Variants in PAX8 observed in about 807,000 individuals in gnomAD.
PAX8 encodes the protein paired box protein Pax-8.
Under a neutral mutation model 52.4 loss-of-function variants are expected in PAX8, and 15 were observed. The observed-to-expected ratio is 0.29, with a 90% confidence interval of 0.19 to 0.44. PAX8 has a LOEUF of 0.44. Ranked by LOEUF, PAX8 falls within the 20% of genes least tolerant of loss-of-function variation. PAX8 has a pLI of 1.00. For synonymous variants in PAX8, 284 were observed against 249.7 expected (o/e 1.14, Z -1.29); for missense variants, 554 against 602.5 (o/e 0.92, Z 0.84).
At chr2:113,235,713 G>C (rs1465886676) in intron 8 of PAX8, 131 bp from the exon 9 acceptor site, 2 of 683,364 alleles carry the variant, frequency 2.9e-6, no homozygotes, top group Non-Finnish European at 2.4e-6. Flanking sequence ...CTCAGAGTCT[G>C]GGCTGGGGAG....
chr2:113,235,850 C>T (rs1487802902), intron 8 of PAX8: 9 of 492,770 alleles, frequency 1.8e-5, no homozygotes, highest in East Asian at 1.4e-4. Flanking sequence ...GGAGGGAGCG[C>T]GGAGACCCGG....
intron 2 of PAX8, chr2:113,276,170 C>A (rs543902141): frequency 6.6e-6 from 1 of 152,190 alleles, no homozygotes; most frequent in Non-Finnish European, 1.5e-5. Context: ...CAGAGGGGTC[C>A]GCTTATGAGT....
intron 10 of PAX8, among the ~76,000 whole-genome samples, chr2:113,224,494 C>T (rs1689427113): frequency 6.9e-6 from 1 of 144,076 alleles, no homozygotes; most frequent in Non-Finnish European, 1.5e-5. Context: ...TTGCAGTGAG[C>T]TAAGATCACA....
intron 2 of PAX8, among the ~76,000 whole-genome samples, chr2:113,277,617 G>A (rs6720637): frequency 0.55 from 83,133 of 152,130 alleles, 23,271 homozygotes; most frequent in African/African-American, 0.67. Flanking sequence ...GGACGGCTGC[G>A]CCCACCAGCC....
intron 2 of PAX8, chr2:113,269,716 A>G (rs1053541549): frequency 2.6e-5 from 4 of 152,250 alleles, no homozygotes; most frequent in African/African-American, 9.7e-5. Context: ...GAGAGAGAAG[A>G]AAGCAGAAGG....
At chr2:113,264,993 A>G (rs1016480858) in intron 2 of PAX8, among the ~76,000 whole-genome samples, 3 of 152,246 alleles carry the variant, frequency 2.0e-5, no homozygotes, top group African/African-American at 7.2e-5. Flanking sequence ...CGGATTGTAC[A>G]TCAGCAGTTT....
At chr2:113,275,251 A>G (rs1234202902) in intron 2 of PAX8, 1 of 152,240 alleles carries the variant, frequency 6.6e-6, no homozygotes, top group Non-Finnish European at 1.5e-5. Flanking sequence ...ACTTATCTTA[A>G]AACTAATTCA....
chr2:113,242,001 C>T lies in PAX8; in HGVS notation c.601+7G>A, dbSNP rs1424544565. 7 of 1,613,444 alleles carry T rather than the reference C, an allele frequency of 4.3e-6. No individual in the cohort carries two copies. Among genetic ancestry groups the T allele is most frequent in the Admixed American group, 3.3e-5 (2 of 59,938 alleles). On this transcript the variant is annotated splice_region_variant and intron_variant, in intron 6 of 11. Coordinates refer to ENST00000429538, the MANE Select transcript of PAX8 (RefSeq NM_003466.4). Reference sequence around the variant, plus strand: ...ACCGCCCGCTGCCCTCCTGTCCCAGCACTCACTGTCATCCATTTTCCTCTT... The same window carrying T: ...ACCGCCCGCTGCCCTCCTGTCCCAGTACTCACTGTCATCCATTTTCCTCTT...
intron 9 of PAX8, among the ~76,000 whole-genome samples, chr2:113,233,535 G>A (rs1332134221): frequency 4.6e-5 from 7 of 151,962 alleles, no homozygotes; most frequent in East Asian, 3.9e-4. Flanking sequence ...AAAATTAGCC[G>A]GGTGTAGTGG....
chr2:113,232,261 ATCCCCTCCCTTGTGCCTG>A (rs1689944041), intron 9 of PAX8, among the ~76,000 whole-genome samples: 1 of 152,210 alleles, frequency 6.6e-6, no homozygotes, highest in Non-Finnish European at 1.5e-5. Context: ...GACACCAGCC[ATCCCCTCCCTTGTGCCTG>A]AGCTGCTTTC....
intron 2 of PAX8, among the ~76,000 whole-genome samples, chr2:113,256,630 A>ATG (rs72155714): frequency 2.8e-4 from 39 of 140,116 alleles, no homozygotes; most frequent in Non-Finnish European, 3.4e-4. Context: ...ATATATATAT[A>ATG]TGTGTGTGTG....
intron 7 of PAX8, chr2:113,237,989 A>G (rs1295568445): frequency 3.9e-5 from 6 of 151,978 alleles, no homozygotes; most frequent in Admixed American, 2.6e-4. Context: ...CATAGCAGCA[A>G]TTATTGACTA....
At chr2:113,235,809 G>T (rs1332010960) in intron 8 of PAX8, 1 of 539,584 alleles carries the variant, frequency 1.9e-6, no homozygotes, top group African/African-American at 1.9e-5. Flanking sequence ...GGAGAGACCC[G>T]GAAGGCGTGT....
Position 113,241,742 on chromosome 2 carries a change from A to G in PAX8, c.602-16T>C, listed in dbSNP as rs761560597. 3 of 1,613,602 alleles carry G rather than the reference A, an allele frequency of 1.9e-6. No individual in the cohort carries two copies. The South Asian group carries it at 3.3e-5, about 18-fold the overall frequency. On this transcript the variant is annotated splice_polypyrimidine_tract_variant and intron_variant, in intron 6 of 11. Coordinates refer to ENST00000429538, the MANE Select transcript of PAX8 (RefSeq NM_003466.4). ...TCCTGATCACCTGGTACCCCCCGGG[A>G]AGGAAGAAAGCTTTTAGGGGACCTA... is the stretch of plus-strand genomic sequence containing the variant.
At chr2:113,264,580 G>A (rs1692924901) in intron 2 of PAX8, among the ~76,000 whole-genome samples, 1 of 152,214 alleles carries the variant, frequency 6.6e-6, no homozygotes, top group Non-Finnish European at 1.5e-5. Context: ...CACTCCTTAT[G>A]TAGGATTTTG....
chr2:113,272,494 TAAAC>T (rs907919001), intron 2 of PAX8: 2 of 152,226 alleles, frequency 1.3e-5, no homozygotes, highest in Non-Finnish European at 2.9e-5. Context: ...TTACTGTAGA[TAAAC>T]AAAGACGAGT....
chr2:113,234,249 C>T (rs934667376), intron 9 of PAX8, among the ~76,000 whole-genome samples: 4 of 152,242 alleles, frequency 2.6e-5, no homozygotes, highest in African/African-American at 9.6e-5. Context: ...CACTGCATCT[C>T]AGGCCCTCTC....
At chr2:113,226,125 C>T (rs908469748) in intron 10 of PAX8, 18 of 985,374 alleles carry the variant, frequency 1.8e-5, no homozygotes, top group Admixed American at 6.2e-5. Flanking sequence ...TTCCCTCTGC[C>T]CAGGAGATCC....
chr2:113,244,366 T>C (rs1691136301), intron 4 of PAX8, 61 bp downstream of exon 4: 1 of 1,311,062 alleles, frequency 7.6e-7, no homozygotes, highest in Non-Finnish European at 1.1e-6. Flanking sequence ...CTTGTCTCTT[T>C]CCTGATTTCC....
Sources: allele counts gnomAD v4.1 joint callset (sites outside exome capture counted in the v4.1 genomes callset), GRCh38; gene constraint gnomAD v4.1.1; transcripts MANE v1.5; gene names NCBI Gene and HGNC (gene_info 2026-07-23, HGNC 2026-07-21).